Variants in VAV3 observed in about 807,000 individuals in gnomAD.
VAV3 encodes guanine nucleotide exchange factor VAV3.
In VAV3, 94 loss-of-function variants were observed where a neutral mutation model predicts 131.2. The ratio of observed to expected loss-of-function variants is 0.72; its 90% CI spans 0.61 to 0.85. The LOEUF (loss-of-function observed/expected upper bound fraction) is 0.85, where lower values mean the gene tolerates loss of function less well. VAV3 is among the 40% of genes least tolerant of loss of function. The probability of loss-of-function intolerance (pLI) is 0.00; values close to 1 mark genes in which losing one functional copy is unlikely to be tolerated. For missense variants in VAV3, 939 were observed against 1,002.7 expected (o/e 0.94, Z 0.86); for synonymous variants, 349 against 342.0 (o/e 1.02, Z -0.22).
chr1:107,678,571 T>C (rs1470669644), intron 19 of VAV3, among the ~76,000 whole-genome samples: 1 of 152,166 alleles, frequency 6.6e-6, no homozygotes, highest in African/African-American at 2.4e-5. Context: ...AAAATTTCTC[T>C]ATTGAACATA....
At chr1:107,861,728 G>C (rs1264546912) in intron 2 of VAV3, among the ~76,000 whole-genome samples, 1 of 151,486 alleles carries the variant, frequency 6.6e-6, no homozygotes, top group East Asian at 1.9e-4. Flanking sequence ...TACTTTAAAA[G>C]ACAACTCAAA....
At chr1:107,925,902 A>ATATATGT (rs1403325444) in intron 1 of VAV3, among the ~76,000 whole-genome samples, 5 of 151,200 alleles carry the variant, frequency 3.3e-5, no homozygotes, top group Non-Finnish European at 7.4e-5. Context: ...CATATATGAT[A>ATATATGT]TATATGTTAC....
chr1:107,586,093 T>TTGTAAGCCATCCCTCAGCGCTCA (rs1177725153), intron 25 of VAV3, among the ~76,000 whole-genome samples: 1 of 150,996 alleles, frequency 6.6e-6, no homozygotes, highest in Non-Finnish European at 1.5e-5. Context: ...CAGTTAAAAA[T>TTGTAAGCCATCCCTCAGCGCTCA]TGTAAGCCAT....
intron 1 of VAV3, among the ~76,000 whole-genome samples, chr1:107,888,317 C>T (rs1671137701): frequency 6.6e-6 from 1 of 152,180 alleles, no homozygotes; most frequent in Admixed American, 6.5e-5. Flanking sequence ...AGTGTTTAAA[C>T]TGTAGCTCAG....
intron 25 of VAV3, chr1:107,576,300 G>T: frequency 9.6e-7 from 1 of 1,038,846 alleles, no homozygotes; most frequent in Non-Finnish European, 1.3e-6. Flanking sequence ...GTGAGGAGAT[G>T]TATCCGTATG....
At position 107,907,132 on chromosome 1, in the gene VAV3, A is replaced by G. The variant is rs538480798; in HGVS notation, c.205-32115T>C. The stretch of plus-strand genomic sequence containing the variant: ...CAAAAAGAATTTAGGAAGAAGCAAA[A>G]TACAAGTCAGAAAAGGCCATGGACC... On this transcript the variant is annotated intron_variant, in intron 1 of 26. Coordinates refer to ENST00000370056, the MANE Select transcript of VAV3 (RefSeq NM_006113.5). Among the ~76,000 whole-genome samples the G allele has an allele frequency of 5.3e-5, 8 of 152,310 alleles. No homozygotes were observed. In the East Asian group the frequency reaches 1.3e-3, roughly 26 times the overall value.
At chr1:107,756,880 C>T (rs1380159023) in intron 11 of VAV3, among the ~76,000 whole-genome samples, 1 of 151,874 alleles carries the variant, frequency 6.6e-6, no homozygotes, top group Non-Finnish European at 1.5e-5. Context: ...CCAACGTTTT[C>T]TATTAGTCAC....
chr1:107,788,094 A>G (rs1354910289), intron 2 of VAV3, among the ~76,000 whole-genome samples: 1 of 152,066 alleles, frequency 6.6e-6, no homozygotes, highest in African/African-American at 2.4e-5. Flanking sequence ...TGCCTCTGCT[A>G]TGTCTCGGCC....
At chr1:107,959,037 T>C (rs538070153) in intron 1 of VAV3, among the ~76,000 whole-genome samples, 93 of 152,180 alleles carry the variant, frequency 6.1e-4, no homozygotes, top group African/African-American at 1.6e-3. Context: ...CAAGGCGGCC[T>C]GATGACCTGA....
In VAV3 at chr1:107,596,271, A is replaced by T. The variant is rs746128104; in HGVS notation, c.2291T>A (p.Phe764Tyr). Reference protein sequence around the residue: ...GFRTLDTTLQFPYKEPEHSAG... With the variant: ...GFRTLDTTLQYPYKEPEHSAG... ...TGAATGTTCTGGCTCCTTGTATGGA[A>T]ACTGCAGAGTTGTATCTAAGGTTCT... Residue 764 changes from phenylalanine (F) to tyrosine (Y), a missense_variant, in exon 25 of 27, where the codon TTT (phenylalanine) becomes TAT (tyrosine). Physicochemically the swap from Phe to Tyr is conservative, Grantham distance 22. Coordinates refer to ENST00000370056, the MANE Select transcript of VAV3 (RefSeq NM_006113.5). 3.7e-6 allele frequency: 6 copies of T among 1,613,538 alleles called. No individual in the cohort carries two copies. The African/African-American group carries it at 8.0e-5, about 22-fold the overall frequency.
chr1:107,870,030 CATTG>C (rs1480928362), intron 2 of VAV3, among the ~76,000 whole-genome samples: 1 of 152,232 alleles, frequency 6.6e-6, no homozygotes, highest in Admixed American at 6.5e-5. Context: ...TCTTTATCCA[CATTG>C]ATTGACGGGC....
intron 19 of VAV3, among the ~76,000 whole-genome samples, chr1:107,658,431 C>A (rs1048503781): frequency 6.6e-6 from 1 of 152,102 alleles, no homozygotes; most frequent in African/African-American, 2.4e-5. Context: ...GTCTTTATAG[C>A]AGCATGATTT....
chr1:107,723,728 C>T (rs1293628602), intron 15 of VAV3, among the ~76,000 whole-genome samples: 1 of 152,052 alleles, frequency 6.6e-6, no homozygotes, highest in African/African-American at 2.4e-5. Flanking sequence ...TCCTTCCAAC[C>T]TCCAAAACAA....
chr1:107,884,362 A>T (rs1670924199), intron 1 of VAV3, among the ~76,000 whole-genome samples: 1 of 150,752 alleles, frequency 6.6e-6, no homozygotes, highest in Non-Finnish European at 1.5e-5. Flanking sequence ...TACCCCATAA[A>T]TATATACACC....
intron 4 of VAV3, among the ~76,000 whole-genome samples, chr1:107,776,777 G>C (rs888492745): frequency 1.3e-5 from 2 of 152,114 alleles, no homozygotes; most frequent in African/African-American, 4.8e-5. Flanking sequence ...TGCCTCTCTT[G>C]ACTATTAAAT....
At chr1:107,822,064 G>A (rs1202294574) in intron 2 of VAV3, among the ~76,000 whole-genome samples, 1 of 152,110 alleles carries the variant, frequency 6.6e-6, no homozygotes, top group Non-Finnish European at 1.5e-5. Flanking sequence ...GACTGCTGGT[G>A]CCTTTGTGGG....
chr1:107,756,391 T>G (rs374691969), intron 11 of VAV3, among the ~76,000 whole-genome samples: 1 of 152,140 alleles, frequency 6.6e-6, no homozygotes, highest in Non-Finnish European at 1.5e-5. Flanking sequence ...ATAGGATAGA[T>G]CCATAAACGA....
At chr1:107,739,258 T>C (rs12405182) in intron 15 of VAV3, among the ~76,000 whole-genome samples, 12,831 of 152,232 alleles carry the variant, frequency 0.084, 695 homozygotes, top group Admixed American at 0.17. Context: ...CTATTTAATA[T>C]TTACTAATCC....
rs1664040010 is a variant in VAV3 at position 107,755,339 on chromosome 1, A to G, written c.1173+88T>C. On this transcript the variant is annotated intron_variant, in intron 12 of 26. Transcript: ENST00000370056. The stretch of plus-strand genomic sequence containing the variant: ...ACAACCTCCAACAGTAGAAACTTGA[A>G]GGTAAACTATGTTTTCTTCAACAAC... 9 of 1,019,174 alleles carry G rather than the reference A, an allele frequency of 8.8e-6. No homozygotes were observed. The Admixed American group carries it at 1.9e-4, about 21-fold the overall frequency. 63.1% of individuals were successfully genotyped at this position (1,019,174 alleles called of 1,614,324 possible).
Sources: allele counts gnomAD v4.1 joint callset (sites outside exome capture counted in the v4.1 genomes callset), GRCh38; gene constraint gnomAD v4.1.1; transcripts MANE v1.5; gene names NCBI Gene and HGNC (gene_info 2026-07-23, HGNC 2026-07-21).